The following PEX5L variants were observed in gnomAD, a reference collection of about 807,000 sequenced individuals.
The protein encoded by PEX5L is peroxisomal biogenesis factor 5 like.
A neutral mutation model predicts 84.0 loss-of-function variants in PEX5L; 30 were observed. The observed-to-expected ratio is 0.36, with a 90% CI of 0.27 to 0.48. The LOEUF is 0.48. Ranked by LOEUF, PEX5L falls within the 20% of genes least tolerant of loss-of-function variation. The pLI, the probability that PEX5L is intolerant of heterozygous loss-of-function variation, is 0.99. For missense variants in PEX5L, 533 were observed against 754.6 expected (o/e 0.71, Z 3.44); for synonymous variants, 270 against 283.1 (o/e 0.95, Z 0.46).
intron 1 of PEX5L, among the ~76,000 whole-genome samples, chr3:180,029,499 CAAA>C (rs899279588): frequency 6.6e-6 from 1 of 152,058 alleles, no homozygotes; most frequent in Non-Finnish European, 1.5e-5. Context: ...AAAACTACAA[CAAA>C]TTGGCTGGTC....
At chr3:179,826,150 G>A (rs534237300) in intron 8 of PEX5L, among the ~76,000 whole-genome samples, 1 of 152,256 alleles carries the variant, frequency 6.6e-6, no homozygotes, top group African/African-American at 2.4e-5. Flanking sequence ...AGCACAGGAG[G>A]CTGGAAATAA....
rs1790401427 is a variant in PEX5L, at chr3:180,021,269, G to A, written c.21+15310C>T. Among the ~76,000 whole-genome samples the A allele has an allele frequency of 5.9e-5, 9 of 152,300 alleles. 1 individual carries two copies. The South Asian group carries it at 1.9e-3, about 32-fold the overall frequency. On this transcript the variant is annotated intron_variant, in intron 1 of 14. Coordinates refer to ENST00000467460, the MANE Select transcript of PEX5L (RefSeq NM_016559.3). ...AATTTGGGGACATGTTCAAAATCTA[G>A]TAAGGTTAGAGTTTGGAGTTCTTAT...
In PEX5L at chr3:179,804,702, G is replaced by C. The variant is rs192037253; in HGVS notation, c.1677-2670C>G. 1.8e-4 allele frequency among the ~76,000 whole-genome samples: 27 copies of C among 152,326 alleles called. No homozygotes were observed. The East Asian group carries it at 4.4e-3, about 25-fold the overall frequency. ...GGAGCGGTCCCAAGACGTTTGTGAA[G>C]TTGAAAGTACTTAAACCAGCTCCTC... On this transcript the variant is annotated intron_variant, in intron 14 of 14. Coordinates refer to ENST00000467460, the MANE Select transcript of PEX5L (RefSeq NM_016559.3).
chr3:179,820,983 G>A (rs1233771637), intron 8 of PEX5L, among the ~76,000 whole-genome samples: 1 of 152,180 alleles, frequency 6.6e-6, no homozygotes, highest in Admixed American at 6.5e-5. Context: ...GAGGACTGTG[G>A]ATATATAAAG....
chr3:179,910,660 G>C (rs983640297), intron 2 of PEX5L, among the ~76,000 whole-genome samples: 15 of 152,196 alleles, frequency 9.9e-5, no homozygotes, highest in Non-Finnish European at 2.9e-5. Context: ...GTCAGACACA[G>C]CCTGACTCGT....
At chr3:179,922,303 A>G (rs1473635890) in intron 2 of PEX5L, among the ~76,000 whole-genome samples, 1 of 152,218 alleles carries the variant, frequency 6.6e-6, no homozygotes, top group Non-Finnish European at 1.5e-5. Flanking sequence ...GGTAAATGCC[A>G]TTAAGGAGAA....
At chr3:180,019,962 T>C (rs1790286314) in intron 1 of PEX5L, among the ~76,000 whole-genome samples, 1 of 152,176 alleles carries the variant, frequency 6.6e-6, no homozygotes. Context: ...TTAGGCTTCT[T>C]AACGAATTAA....
chr3:179,931,081 GAAAT>G (rs1424731917), intron 2 of PEX5L, among the ~76,000 whole-genome samples: 1 of 152,030 alleles, frequency 6.6e-6, no homozygotes, highest in East Asian at 1.9e-4. Context: ...CTCACATACA[GAAAT>G]AAATGATACA....
At chr3:179,925,250 C>A (rs546883604) in intron 2 of PEX5L, among the ~76,000 whole-genome samples, 1 of 152,142 alleles carries the variant, frequency 6.6e-6, no homozygotes, top group South Asian at 2.1e-4. Context: ...TGATAGCGTT[C>A]AAAAATTTTA....
intron 8 of PEX5L, among the ~76,000 whole-genome samples, chr3:179,840,836 G>A (rs940102338): frequency 7.9e-5 from 12 of 152,106 alleles, no homozygotes; most frequent in Non-Finnish European, 1.3e-4. Flanking sequence ...GGCGTGAGAC[G>A]GAAAATCAAG....
intron 1 of PEX5L, chr3:179,973,129 G>A (rs1264408964): frequency 8.2e-7 from 1 of 1,220,306 alleles, no homozygotes; most frequent in Middle Eastern, 2.2e-4. Context: ...ACTTAGAAGT[G>A]CCTTTCCAAA....
chr3:180,032,448 C>T (rs935364263), intron 1 of PEX5L, among the ~76,000 whole-genome samples: 5 of 152,286 alleles, frequency 3.3e-5, no homozygotes, highest in African/African-American at 7.2e-5. Context: ...CTCAAAGACT[C>T]GCCTCTGAAA....
Position 179,796,640 on chromosome 3 carries a change from T to TAAC in PEX5L, c.*5185_*5187dup, listed in dbSNP as rs1482024350. ...AGGGTACCGGGGTATATGGAGTGAG[T>TAAC]AACAAAGCTGTTACTAATGTAAGAC... On this transcript the variant is annotated 3_prime_UTR_variant, in exon 15 of 15. Coordinates refer to ENST00000467460, the MANE Select transcript of PEX5L (RefSeq NM_016559.3). The TAAC allele has an allele frequency of 6.6e-6, 1 of 152,084 alleles. No homozygotes were observed. The highest frequency in any genetic ancestry group is 1.9e-4 in the East Asian group (1 of 5,200). 9.4% of individuals were successfully genotyped at this position (152,084 alleles called of 1,614,324 possible). A position where few individuals can be genotyped will look rare whatever the true frequency, so the allele number is the denominator to read the frequency against.
intron 1 of PEX5L, among the ~76,000 whole-genome samples, chr3:180,023,552 C>T (rs998515588): frequency 1.3e-5 from 2 of 152,158 alleles, no homozygotes; most frequent in South Asian, 2.1e-4. Flanking sequence ...CTGGGGGAAT[C>T]GGCCCTGACC....
intron 2 of PEX5L, among the ~76,000 whole-genome samples, chr3:179,949,025 C>T (rs1477217907): frequency 6.6e-6 from 1 of 152,076 alleles, no homozygotes; most frequent in Non-Finnish European, 1.5e-5. Context: ...GTGACGGTGC[C>T]GTTGTGTCTC....
At chr3:179,897,983 A>T (rs1759921297) in intron 3 of PEX5L, among the ~76,000 whole-genome samples, 159 bp downstream of exon 3, 1 of 152,054 alleles carries the variant, frequency 6.6e-6, no homozygotes, top group Admixed American at 6.6e-5. Context: ...TTTTTTTAGC[A>T]ATTTTGGTTT....
intron 10 of PEX5L, 80 bp from the exon 11 acceptor site, chr3:179,811,951 T>A (rs1044971599): frequency 4.6e-6 from 5 of 1,092,834 alleles, no homozygotes; most frequent in African/African-American, 1.5e-5. Context: ...TGACCTGTGA[T>A]GGATCCCCTA....
intron 2 of PEX5L, among the ~76,000 whole-genome samples, chr3:179,949,359 C>T (rs1381628862): frequency 1.3e-5 from 2 of 151,970 alleles, no homozygotes; most frequent in Admixed American, 6.5e-5. Flanking sequence ...TTTGTCTTGC[C>T]TTTGTTTTTG....
intron 4 of PEX5L, among the ~76,000 whole-genome samples, chr3:179,882,836 C>T (rs937936385): frequency 2.0e-5 from 3 of 152,072 alleles, no homozygotes; most frequent in Non-Finnish European, 4.4e-5. Context: ...TTTGTAATCC[C>T]AGTGCTTTGG....
Sources: allele counts gnomAD v4.1 joint callset (sites outside exome capture counted in the v4.1 genomes callset), GRCh38; gene constraint gnomAD v4.1.1; transcripts MANE v1.5; gene names NCBI Gene and HGNC (gene_info 2026-07-23, HGNC 2026-07-21).